The following RSRC2 variants were observed in gnomAD, a reference collection of about 807,000 sequenced individuals.
RSRC2 encodes arginine/serine-rich coiled-coil protein 2.
A neutral mutation model predicts 61.3 loss-of-function variants in RSRC2; 5 were observed. That is an observed-to-expected ratio of 0.08 (90% CI 0.04 to 0.17). The LOEUF is 0.17. Among genes scored for constraint, RSRC2 ranks in the 10% least tolerant of loss-of-function variants. The pLI, the probability that RSRC2 is intolerant of heterozygous loss-of-function variation, is 1.00. For missense variants in RSRC2, 381 were observed against 518.8 expected, an observed-to-expected ratio of 0.73 and a Z score of 2.58; for synonymous variants, 202 against 166.5, an observed-to-expected ratio of 1.21 and a Z score of -1.64.
At chr12:122,517,585 C>T (rs185877599) in intron 4 of RSRC2, among the ~76,000 whole-genome samples, 155 bp from the exon 5 acceptor site, 1 of 152,268 alleles carries the variant, frequency 6.6e-6, no homozygotes, top group East Asian at 1.9e-4. Flanking sequence ...AAAGGAAATA[C>T]TAACTGAAAA....
At chr12:122,526,716 G>T in intron 1 of RSRC2, 132 bp downstream of exon 1, 1 of 1,006,300 alleles carries the variant, frequency 9.9e-7, no homozygotes, top group Non-Finnish European at 1.6e-6. Context: ...CCATGATGGC[G>T]GGCGCAGAAG....
intron 5 of RSRC2, among the ~76,000 whole-genome samples, chr12:122,515,505 G>C (rs1958838152): frequency 2.0e-5 from 3 of 152,072 alleles, no homozygotes; most frequent in South Asian, 2.1e-4. Flanking sequence ...AGGTCTACAA[G>C]CATGCCCCAC....
chr12:122,511,747 G>A lies in RSRC2; in HGVS notation c.726-559C>T, dbSNP rs961757798. Among the ~76,000 whole-genome samples, 22 of 152,306 alleles carry A rather than the reference G, an allele frequency of 1.4e-4. No individual in the cohort carries two copies. In the East Asian group the frequency reaches 4.0e-3, roughly 28 times the overall value. On this transcript the variant is annotated intron_variant, in intron 6 of 9. Coordinates refer to ENST00000331738, the MANE Select transcript of RSRC2 (RefSeq NM_023012.6). ...CTCAATTAGGAAATTACTTCTAGCA[G>A]TTGAACAAATTTATCATTTACAAAG... is the stretch of plus-strand genomic sequence containing the variant.
At chr12:122,526,378 C>CA (rs532711796) in intron 1 of RSRC2, 6,307 of 154,080 alleles carry the variant, frequency 0.041, 393 homozygotes, top group African/African-American at 0.14. Context: ...ATTGAGCGTA[C>CA]AAAAAAAAAA....
chr12:122,519,718 A>AT (rs1959170286), intron 3 of RSRC2: 2 of 152,720 alleles, frequency 1.3e-5, no homozygotes, highest in Middle Eastern at 3.4e-3. Context: ...CAAACTAGGT[A>AT]TAACAATCCA....
chr12:122,505,667 TTTC>T lies in RSRC2; in HGVS notation c.1162_1164del (p.Glu388del), dbSNP rs765680530. The T allele has an allele frequency of 3.7e-6, 6 of 1,614,020 alleles. No individual in the cohort carries two copies. Among genetic ancestry groups the T allele is most frequent in the African/African-American group, 1.3e-5 (1 of 74,942 alleles). Reference sequence around the variant, plus strand: ...TCCTGCTGCTTCAGAGTCTTGTAACTTTCTTCATCAACTGAGCTACATCCAGCT... The same window carrying T: ...TCCTGCTGCTTCAGAGTCTTGTAACTTTCATCAACTGAGCTACATCCAGCT... On this transcript the variant is annotated inframe_deletion, in exon 10 of 10. Coordinates refer to ENST00000331738, the MANE Select transcript of RSRC2 (RefSeq NM_023012.6).
chr12:122,521,406 C>T lies in RSRC2; in HGVS notation c.186G>A (p.Arg62=). Residue 62 remains arginine, a synonymous_variant, in exon 3 of 10, where the codon AGG becomes AGA. Coordinates refer to ENST00000331738, the MANE Select transcript of RSRC2 (RefSeq NM_023012.6). ...RKSDNEGRKH[R]SRSRSKEGRR... is the part of the protein sequence containing the mutation. ...TTACCTCTTTGCTTCTGCTCCGGCT[C>T]CTGTGTTTTCTTCCTTCATTATCTG... 1.9e-6 allele frequency: 3 copies of T among 1,612,630 alleles called. No homozygotes were observed. Among genetic ancestry groups the T allele is most frequent in the Non-Finnish European group, 1.7e-6 (2 of 1,179,140 alleles).
chr12:122,517,296 G>C lies in RSRC2; in HGVS notation c.533C>G (p.Ser178Cys). ...GTGTCTTGATCTTGAGCGGGAACGA[G>C]ACCTGATCCGCCGTTTTCTTTCCCT... ...RSRERKRRIRSRSRSRSRHRH... is the reference protein window; with the variant it reads ...RSRERKRRIRCRSRSRSRHRH... Residue 178 changes from serine to cysteine, a missense_variant, in exon 5 of 10, where the codon TCT becomes TGT. Physicochemically the swap from Ser to Cys is moderately radical, Grantham distance 112. This residue lies in a region of RSRC2 where 266 missense variants were observed against 270.5 expected (regional missense o/e 0.98). Coordinates refer to ENST00000331738, the MANE Select transcript of RSRC2 (RefSeq NM_023012.6). 6.2e-7 allele frequency: 1 copy of C among 1,614,050 alleles called. No homozygotes were observed. The highest frequency in any genetic ancestry group is 8.5e-7 in the Non-Finnish European group (1 of 1,180,012).
In RSRC2 at chr12:122,522,231, C is replaced by A. The variant is rs756822186; in HGVS notation, c.75G>T (p.Glu25Asp). 5.0e-6 allele frequency: 8 copies of A among 1,614,000 alleles called. No individual in the cohort carries two copies. The highest frequency in any genetic ancestry group is 5.9e-6 in the Non-Finnish European group (7 of 1,179,930). Reference sequence around the variant, plus strand: ...TAGGAGAAACAGATACTTCTGACTGCTCTTTTTTCTTATCTCTATCTGGTG... The same window carrying A: ...TAGGAGAAACAGATACTTCTGACTGATCTTTTTTCTTATCTCTATCTGGTG... ...KTSPDRDKKK[E>D]QSEVSVSPRA... Residue 25 changes from glutamate to aspartate, a missense_variant, in exon 2 of 10, where the codon GAG becomes GAT. Transcript: ENST00000331738.
rs1308914689 is a variant in RSRC2, at chr12:122,511,146, T to C, written c.768A>G (p.Glu256=). The change falls in exon 7 of 10, where the codon GAA becomes GAG. Residue 256 remains glutamate (E), a synonymous_variant. Coordinates refer to ENST00000331738, the MANE Select transcript of RSRC2 (RefSeq NM_023012.6). ...CTTGTTGTTTTTGTTTTTCAACCAT[T>C]TCCTTTTCTCGCTGTTCTTGTAATT... ...AKKLQEQREK[E]MVEKQKQQEI... 1 of 1,608,206 alleles carries C rather than the reference T, an allele frequency of 6.2e-7. No homozygotes were observed. The highest frequency in any genetic ancestry group is 1.3e-5 in the African/African-American group (1 of 74,844).
chr12:122,513,887 C>A (rs1565894729), intron 6 of RSRC2: 1 of 856,292 alleles, frequency 1.2e-6, no homozygotes, highest in Non-Finnish European at 1.4e-6. Context: ...ACAAAAAATA[C>A]AAAAATTAGC....
chr12:122,517,728 A>G (rs1032673314), intron 4 of RSRC2, among the ~76,000 whole-genome samples: 1 of 152,152 alleles, frequency 6.6e-6, no homozygotes, highest in Non-Finnish European at 1.5e-5. Context: ...ACAAATCTTA[A>G]TACTTTAGTT....
chr12:122,515,147 C>T lies in RSRC2; in HGVS notation c.683G>A (p.Gly228Asp), dbSNP rs1958810727. 1 of 1,614,014 alleles carries T rather than the reference C, an allele frequency of 6.2e-7. No homozygotes were observed. The highest frequency in any genetic ancestry group is 1.3e-5 in the African/African-American group (1 of 74,936). Residue 228 changes from glycine (G) to aspartate (D), a missense_variant, in exon 6 of 10, where the codon GGC becomes GAC. Coordinates refer to ENST00000331738, the MANE Select transcript of RSRC2 (RefSeq NM_023012.6). ...SRTPSPPPFRGRNTAMDAQEA... is the reference protein window; with the variant it reads ...SRTPSPPPFRDRNTAMDAQEA... Reference sequence around the variant, plus strand: ...CTGTGCATCCATTGCTGTGTTTCTGCCTCTGAAGGGAGGTGGACTTGGAGT... The same window carrying T: ...CTGTGCATCCATTGCTGTGTTTCTGTCTCTGAAGGGAGGTGGACTTGGAGT...
chr12:122,521,671 G>A (rs1477879769), intron 2 of RSRC2, among the ~76,000 whole-genome samples: 1 of 152,150 alleles, frequency 6.6e-6, no homozygotes, highest in East Asian at 1.9e-4. Flanking sequence ...TAGACTTTCA[G>A]TATTTTACAT....
At chr12:122,521,543 A>AT in intron 2 of RSRC2, 115 bp from the exon 3 acceptor site, 1 of 822,342 alleles carries the variant, frequency 1.2e-6, no homozygotes, top group East Asian at 2.6e-5. Context: ...CCAATGACTA[A>AT]TTTTTTCATG....
rs181200001 is a variant in RSRC2 at position 122,517,042 on chromosome 12, G to C, written c.602+185C>G. On this transcript the variant is annotated intron_variant, in intron 5 of 9. Transcript: ENST00000331738. ...TTCGCAAGAGATTTATCAATCACGAGAATACCTGTGAATGCTATTCAAGTG... is the reference window on the plus strand; with the variant it reads ...TTCGCAAGAGATTTATCAATCACGACAATACCTGTGAATGCTATTCAAGTG... 1.1e-4 allele frequency among the ~76,000 whole-genome samples: 16 copies of C among 152,326 alleles called. No homozygotes were observed. In the Middle Eastern group the frequency reaches 0.01, roughly 97 times the overall value.
chr12:122,526,921 A>C lies in RSRC2; in HGVS notation c.-68T>G. ...CTTTCAACAGTACCGGCCGCTCCGAAGCTTCGCCTCAGACTAAATCGCTCG... is the reference window on the plus strand; with the variant it reads ...CTTTCAACAGTACCGGCCGCTCCGACGCTTCGCCTCAGACTAAATCGCTCG... On this transcript the variant is annotated 5_prime_UTR_variant, in exon 1 of 10. Transcript: ENST00000331738. 2 of 1,592,814 alleles carry C rather than the reference A, an allele frequency of 1.3e-6. No homozygotes were observed. Among genetic ancestry groups the C allele is most frequent in the South Asian group, 2.2e-5 (2 of 90,554 alleles).
intron 5 of RSRC2, among the ~76,000 whole-genome samples, chr12:122,516,595 T>C (rs546275924): frequency 6.6e-6 from 1 of 152,316 alleles, no homozygotes; most frequent in Admixed American, 6.5e-5. Context: ...GCTAATAACA[T>C]GCAAGGAGTT....
chr12:122,517,084 A>AT, intron 5 of RSRC2, 143 bp downstream of exon 5: 1 of 1,193,326 alleles, frequency 8.4e-7, no homozygotes, highest in Non-Finnish European at 1.2e-6. Flanking sequence ...TGTGTTCTTC[A>AT]TACGTTAGGT....
Sources: allele counts gnomAD v4.1 joint callset (sites outside exome capture counted in the v4.1 genomes callset), GRCh38; gene constraint gnomAD v4.1.1; regional missense constraint gnomAD v4.1.1; transcripts MANE v1.5; gene names NCBI Gene and HGNC (gene_info 2026-07-23, HGNC 2026-07-21).